Variants in PTPRG observed in about 807,000 individuals in gnomAD.
PTPRG encodes receptor-type tyrosine-protein phosphatase gamma.
PTPRG carries 102 observed loss-of-function variants against 165.3 expected under a neutral mutation model. The ratio of observed to expected loss-of-function variants is 0.62; its 90% confidence interval spans 0.53 to 0.73. The LOEUF is 0.73. Ranked by LOEUF, PTPRG falls within the 30% of genes least tolerant of loss-of-function variation. The probability of loss-of-function intolerance (pLI) is 0.00; values close to 1 mark genes in which losing one functional copy is unlikely to be tolerated. For synonymous variants in PTPRG, 675 were observed against 669.5 expected, an observed-to-expected ratio of 1.01 and a Z score of -0.13; for missense variants, 1,866 against 1,861.4, an observed-to-expected ratio of 1.00 and a Z score of -0.05.
chr3:62,098,032 T>C (rs181563070), intron 5 of PTPRG, among the ~76,000 whole-genome samples: 2 of 152,312 alleles, frequency 1.3e-5, no homozygotes, highest in Admixed American at 1.3e-4. Flanking sequence ...TAATTCGAGG[T>C]TATCTTCATT....
chr3:61,805,366 G>A (rs1020504917), intron 2 of PTPRG, among the ~76,000 whole-genome samples: 2 of 152,058 alleles, frequency 1.3e-5, no homozygotes, highest in Non-Finnish European at 2.9e-5. Flanking sequence ...CCTCCCATAA[G>A]GGATGTTTTC....
At chr3:61,955,945 A>C (rs1269868995) in intron 2 of PTPRG, among the ~76,000 whole-genome samples, 2 of 152,150 alleles carry the variant, frequency 1.3e-5, no homozygotes, top group Non-Finnish European at 2.9e-5. Context: ...GTATAACACA[A>C]AGTAATATGT....
chr3:61,888,611 T>G (rs767891072), intron 2 of PTPRG, among the ~76,000 whole-genome samples: 1 of 152,160 alleles, frequency 6.6e-6, no homozygotes, highest in African/African-American at 2.4e-5. Context: ...GATTACACGC[T>G]TGAGCCACAG....
chr3:62,003,346 C>T lies in PTPRG; in HGVS notation c.371-3C>T, dbSNP rs769062369. ...TTCCTCTCTTCTCATTTGTTTCACA[C>T]AGTCGCCATCCTTCTGAAAGACGAC... On this transcript the variant is annotated splice_polypyrimidine_tract_variant and splice_region_variant and intron_variant, in intron 3 of 29. Coordinates refer to ENST00000474889, the MANE Select transcript of PTPRG (RefSeq NM_002841.4). The T allele has an allele frequency of 3.1e-6, 5 of 1,610,798 alleles. No individual in the cohort carries two copies. The highest frequency in any genetic ancestry group is 3.4e-6 in the Non-Finnish European group (4 of 1,178,974).
intron 9 of PTPRG, among the ~76,000 whole-genome samples, chr3:62,192,473 A>G (rs900748363): frequency 3.8e-5 from 5 of 133,034 alleles, no homozygotes; most frequent in Non-Finnish European, 6.1e-5. Flanking sequence ...CAGTGGCGCA[A>G]TCTCGGCTCA....
chr3:61,700,044 G>A (rs182734232), intron 1 of PTPRG, among the ~76,000 whole-genome samples: 383 of 152,230 alleles, frequency 2.5e-3, no homozygotes, highest in Non-Finnish European at 4.5e-3. Flanking sequence ...GCAGTGGTGA[G>A]GGGGTCTGTG....
intron 2 of PTPRG, among the ~76,000 whole-genome samples, chr3:61,853,365 G>A (rs1013345490): frequency 2.6e-5 from 4 of 152,320 alleles, no homozygotes; most frequent in East Asian, 1.9e-4. Flanking sequence ...AGACCAGGCC[G>A]TAAAGGAATT....
At position 62,293,552 on chromosome 3, in the gene PTPRG, C is replaced by A; in HGVS notation, c.*245C>A. ...TTGCACTATATGATCAGTGTTACTG[C>A]CTATAATCTTATACAACAGCAAACC... On this transcript the variant is annotated 3_prime_UTR_variant, in exon 30 of 30. Coordinates refer to ENST00000474889, the MANE Select transcript of PTPRG (RefSeq NM_002841.4). 3.1e-6 allele frequency: 1 copy of A among 320,122 alleles called. No individual in the cohort carries two copies. Among genetic ancestry groups the A allele is most frequent in the Non-Finnish European group, 5.7e-6 (1 of 176,058 alleles). 19.8% of individuals were successfully genotyped at this position (320,122 alleles called of 1,614,324 possible). A position where few individuals can be genotyped will look rare whatever the true frequency, so the allele number is the denominator to read the frequency against.
intron 2 of PTPRG, among the ~76,000 whole-genome samples, chr3:61,755,222 G>T (rs2033594875): frequency 6.6e-6 from 1 of 152,108 alleles, no homozygotes; most frequent in East Asian, 1.9e-4. Context: ...TAGCAAGGCT[G>T]GTCTCGAACT....
chr3:61,651,072 C>T (rs902327295), intron 1 of PTPRG, among the ~76,000 whole-genome samples: 1 of 151,426 alleles, frequency 6.6e-6, no homozygotes, highest in East Asian at 1.9e-4. Flanking sequence ...TTCCTCATTG[C>T]CTACACTTCT....
At chr3:61,626,296 T>C (rs1369050178) in intron 1 of PTPRG, among the ~76,000 whole-genome samples, 1 of 152,226 alleles carries the variant, frequency 6.6e-6, no homozygotes, top group African/African-American at 2.4e-5. Flanking sequence ...GTTTTGCTTT[T>C]TGTTTCTTTT....
intron 2 of PTPRG, among the ~76,000 whole-genome samples, chr3:61,826,843 T>C (rs977947270): frequency 6.6e-6 from 1 of 151,004 alleles, no homozygotes; most frequent in Admixed American, 6.6e-5. Context: ...TTTTTTTTTT[T>C]TTTTTCCGAT....
chr3:61,650,996 A>G (rs930971661), intron 1 of PTPRG, among the ~76,000 whole-genome samples: 2 of 152,174 alleles, frequency 1.3e-5, no homozygotes, highest in Admixed American at 6.5e-5. Flanking sequence ...AAAAGTTTAT[A>G]TGACTCTGCT....
At chr3:61,862,401 G>T (rs1439091996) in intron 2 of PTPRG, among the ~76,000 whole-genome samples, 2 of 132,624 alleles carry the variant, frequency 1.5e-5, no homozygotes, top group Non-Finnish European at 3.1e-5. Context: ...TTTTTTTTGA[G>T]ATGGAATTCC....
intron 2 of PTPRG, among the ~76,000 whole-genome samples, chr3:61,915,169 C>G (rs931740341): frequency 3.9e-5 from 6 of 152,170 alleles, no homozygotes; most frequent in African/African-American, 1.4e-4. Flanking sequence ...GCGGAGGTTG[C>G]AGTAGGCTGA....
intron 2 of PTPRG, among the ~76,000 whole-genome samples, chr3:61,913,377 G>C (rs993477444): frequency 1.3e-5 from 2 of 152,040 alleles, no homozygotes; most frequent in African/African-American, 4.8e-5. Flanking sequence ...CCGCCACCAC[G>C]CCCGCCTAAT....
intron 2 of PTPRG, among the ~76,000 whole-genome samples, chr3:61,858,163 T>G (rs570155930): frequency 3.3e-5 from 5 of 152,344 alleles, no homozygotes; most frequent in South Asian, 2.1e-4. Flanking sequence ...AACAAATGTT[T>G]ATTATCTTTT....
chr3:62,203,377 T>C lies in PTPRG; in HGVS notation c.1582T>C (p.Ser528Pro). The C allele has an allele frequency of 1.2e-6, 2 of 1,613,096 alleles. No homozygotes were observed. The highest frequency in any genetic ancestry group is 1.7e-6 in the Non-Finnish European group (2 of 1,179,670). The change falls in exon 12 of 30, where the codon TCT (serine) becomes CCT (proline). Residue 528 changes from serine (S) to proline (P), a missense_variant. Physicochemically the swap from Ser to Pro is moderately conservative, Grantham distance 74. Coordinates refer to ENST00000474889, the MANE Select transcript of PTPRG (RefSeq NM_002841.4). This position sits in a 1 kb window ranked among gnomAD's most constrained non-coding sequence, Gnocchi z 6.4. ...GGGGTTCGGCGGTGGTGGCATCTCC[T>C]CTTTCCCCAGCACTGTGTGGCCCAC... Reference protein sequence around the residue: ...GLGFGGGGISSFPSTVWPTRL... With the variant: ...GLGFGGGGISPFPSTVWPTRL...
intron 2 of PTPRG, among the ~76,000 whole-genome samples, chr3:61,946,365 A>G (rs929163673): frequency 5.9e-5 from 9 of 152,250 alleles, no homozygotes; most frequent in Non-Finnish European, 1.0e-4. Flanking sequence ...TGAGGTTTGA[A>G]GCTGGGAACA....
Sources: gnomAD v4.1 joint callset for allele counts (sites outside exome capture counted in the v4.1 genomes callset) on GRCh38, gnomAD v4.1.1 for gene constraint, Gnocchi (gnomAD v3.1) non-coding constraint, MANE v1.5 for transcripts, NCBI Gene and HGNC (gene_info 2026-07-23, HGNC 2026-07-21) for gene names.